TMX4: variants seen among roughly 807,000 people sequenced by gnomAD.
TMX4 encodes thioredoxin-related transmembrane protein 4.
Under a neutral mutation model 33.3 loss-of-function variants are expected in TMX4, and 23 were observed. The ratio of observed to expected loss-of-function variants is 0.69; its 90% CI spans 0.50 to 0.98. TMX4 has a LOEUF of 0.98. Ranked by LOEUF, TMX4 falls within the 50% of genes least tolerant of loss-of-function variation. The pLI is 0.00. For synonymous variants in TMX4, 164 were observed against 161.5 expected (o/e 1.02, Z -0.12); for missense variants, 399 against 448.9 (o/e 0.89, Z 1.01).
intron 3 of TMX4, among the ~76,000 whole-genome samples, chr20:8,000,079 C>T (rs1364240796): frequency 4.6e-5 from 7 of 152,086 alleles, no homozygotes; most frequent in Admixed American, 3.3e-4. Context: ...ATGTTATCAC[C>T]GTACAAAGTG....
In TMX4 at chr20:7,978,750, CA is replaced by C. The variant is rs1435084986; in HGVS notation, c.*3500del. The stretch of plus-strand genomic sequence containing the variant: ...AACAGGCCCTGTCCCTCATCCCATC[CA>C]ATGACTATACTTCAAAGGGAAAGAA... On this transcript the variant is annotated 3_prime_UTR_variant, in exon 8 of 8. Coordinates refer to ENST00000246024, the MANE Select transcript of TMX4 (RefSeq NM_021156.4). 3 of 152,174 alleles carry C rather than the reference CA, an allele frequency of 2.0e-5. No individual in the cohort carries two copies. The allele number at this position is 152,174 out of a possible 1,614,324, so 9.4% of individuals were successfully genotyped here.
At chr20:7,999,687 C>T (rs570063622) in intron 4 of TMX4, 45 bp downstream of exon 4, 2 of 1,580,988 alleles carry the variant, frequency 1.3e-6, no homozygotes, top group East Asian at 2.3e-5. Flanking sequence ...TAACTTAAAA[C>T]CTCCTGTTTT....
rs967976436 is a variant in TMX4 at position 7,999,808 on chromosome 20, G to A, written c.391C>T (p.Leu131=). ...TTCTTCTCTAAGATATAATTCTGCA[G>A]GTCTTCGAAGATTCCTGGGCCACGA... The part of the protein sequence containing the change: ...RYRGPGIFED[L]QNYILEKKWQ... The change falls in exon 4 of 8, where the codon CTG becomes TTG. Residue 131 remains leucine (L), a synonymous_variant. Transcript: ENST00000246024. 6.2e-7 allele frequency: 1 copy of A among 1,613,662 alleles called. No individual in the cohort carries two copies. Among genetic ancestry groups the A allele is most frequent in the African/African-American group, 1.3e-5 (1 of 74,868 alleles).
Position 7,978,039 on chromosome 20 carries a change from A to C in TMX4, c.*4212T>G, listed in dbSNP as rs546517127. ...CTAAAATCTCCTCCAGAGAATCAAA[A>C]TGTAGGACTGAGGTAAAGAGATATT... On this transcript the variant is annotated 3_prime_UTR_variant, in exon 8 of 8. Transcript: ENST00000246024. The C allele has an allele frequency of 6.6e-6, 1 of 152,334 alleles. No individual in the cohort carries two copies. Among genetic ancestry groups the C allele is most frequent in the South Asian group, 2.1e-4 (1 of 4,826 alleles). 9.4% of individuals were successfully genotyped at this position (152,334 alleles called of 1,614,324 possible).
chr20:8,010,294 G>C lies in TMX4; in HGVS notation c.198C>G (p.Ser66=). 6.2e-7 allele frequency: 1 copy of C among 1,610,588 alleles called. No individual in the cohort carries two copies. Among genetic ancestry groups the C allele is most frequent in the Non-Finnish European group, 8.5e-7 (1 of 1,177,750 alleles). ...MLKFYAPWCP[S]CQQTDSEWEA... ...CCCATTCTGAATCAGTCTGCTGGCA[G>C]GATGGACACCATGGGGCGTAACTAT... is the stretch of plus-strand genomic sequence containing the variant. The change falls in exon 2 of 8, where the codon TCC becomes TCG. Residue 66 remains serine, a synonymous_variant. Coordinates refer to ENST00000246024, the MANE Select transcript of TMX4 (RefSeq NM_021156.4).
intron 2 of TMX4, 70 bp downstream of exon 2, chr20:8,010,130 A>G: frequency 5.9e-6 from 8 of 1,355,938 alleles, no homozygotes; most frequent in South Asian, 1.2e-5. Context: ...CAACTTTTCT[A>G]TATGCTTGAA....
At chr20:8,006,730 GTTCCTTCTCC>G (rs1568538146) in intron 2 of TMX4, among the ~76,000 whole-genome samples, 1 of 150,146 alleles carries the variant, frequency 6.7e-6, no homozygotes, top group Non-Finnish European at 1.5e-5. Flanking sequence ...CATAGGAGAA[GTTCCTTCTCC>G]TATGATGGAA....
chr20:7,979,867 T>C lies in TMX4; in HGVS notation c.*2384A>G, dbSNP rs1172655787. ...TTGGATTTGGGGATTTTTGTATATATATAATGAGGTATCTTGGGAGTAGAC... is the reference window on the plus strand; with the variant it reads ...TTGGATTTGGGGATTTTTGTATATACATAATGAGGTATCTTGGGAGTAGAC... On this transcript the variant is annotated 3_prime_UTR_variant, in exon 8 of 8. Coordinates refer to ENST00000246024, the MANE Select transcript of TMX4 (RefSeq NM_021156.4). The C allele has an allele frequency of 2.0e-5, 3 of 152,194 alleles. No homozygotes were observed. The highest frequency in any genetic ancestry group is 7.2e-5 in the African/African-American group (3 of 41,448). The allele number at this position is 152,194 out of a possible 1,614,324, so 9.4% of individuals were successfully genotyped here. A position where few individuals can be genotyped will look rare whatever the true frequency, so the allele number is the denominator to read the frequency against.
intron 2 of TMX4, among the ~76,000 whole-genome samples, chr20:8,004,368 T>G (rs111252021): frequency 3.3e-5 from 5 of 152,208 alleles, no homozygotes; most frequent in African/African-American, 1.2e-4. Flanking sequence ...TTGAACATCA[T>G]AATAGCAGCT....
chr20:7,987,658 A>G (rs2050636777), intron 5 of TMX4, among the ~76,000 whole-genome samples: 1 of 152,166 alleles, frequency 6.6e-6, no homozygotes, highest in African/African-American at 2.4e-5. Flanking sequence ...TTCTTCCATC[A>G]TGATGGATGC....
Position 7,982,321 on chromosome 20 carries a change from G to A in TMX4, c.980C>T (p.Pro327Leu). The A allele has an allele frequency of 6.2e-7, 1 of 1,614,050 alleles. No homozygotes were observed. The highest frequency in any genetic ancestry group is 8.5e-7 in the Non-Finnish European group (1 of 1,180,010). ...GTCTTCCACCACCTCTGTGTCAGCT[G>A]GGCAGGGTTGCTCAGAGATGCCTTC... ...AEEGISEQPC[P>L]ADTEVVEDSL... The change falls in exon 8 of 8, where the codon CCA becomes CTA. Residue 327 changes from proline to leucine, a missense_variant. Pro to Leu is a moderately conservative substitution (Grantham distance 98, BLOSUM62 -3). Transcript: ENST00000246024.
chr20:8,011,046 G>A (rs536699759), intron 1 of TMX4, among the ~76,000 whole-genome samples: 1 of 151,944 alleles, frequency 6.6e-6, no homozygotes, highest in African/African-American at 2.4e-5. Flanking sequence ...TAAGCATGGG[G>A]GGCAAACATC....
rs186709342 is a variant in TMX4 at position 8,010,158 on chromosome 20, A to C, written c.292+42T>G. The C allele has an allele frequency of 7.3e-5, 113 of 1,543,462 alleles. No homozygotes were observed. In the Middle Eastern group the frequency reaches 1.0e-3, roughly 14 times the overall value. On this transcript the variant is annotated intron_variant, in intron 2 of 7. Coordinates refer to ENST00000246024, the MANE Select transcript of TMX4 (RefSeq NM_021156.4). ...TGCTTGAAAAAAATTCAAAATAAAA[A>C]GTCGGTAAACTTTTGCATTTTATGT...
chr20:8,006,674 G>A (rs915795013), intron 2 of TMX4, among the ~76,000 whole-genome samples: 4 of 151,778 alleles, frequency 2.6e-5, no homozygotes, highest in Non-Finnish European at 5.9e-5. Flanking sequence ...TTCTACACTT[G>A]GCTACCAGAC....
rs2122843550 is a variant in TMX4, at chr20:7,977,754, A to C, written c.*4497T>G. 1 of 152,378 alleles carries C rather than the reference A, an allele frequency of 6.6e-6. No homozygotes were observed. The highest frequency in any genetic ancestry group is 1.9e-4 in the East Asian group (1 of 5,188). The allele number at this position is 152,378 out of a possible 1,614,324, so 9.4% of individuals were successfully genotyped here. On this transcript the variant is annotated 3_prime_UTR_variant, in exon 8 of 8. Coordinates refer to ENST00000246024, the MANE Select transcript of TMX4 (RefSeq NM_021156.4). Reference sequence around the variant, plus strand: ...AATAAGCAATGTTTTTAGTATAAAAATTGCATTTCCACAAAGAAGCTAATA... The same window carrying C: ...AATAAGCAATGTTTTTAGTATAAAACTTGCATTTCCACAAAGAAGCTAATA...
At chr20:8,004,563 CACAA>C (rs1412787356) in intron 2 of TMX4, among the ~76,000 whole-genome samples, 3 of 152,002 alleles carry the variant, frequency 2.0e-5, no homozygotes, top group Non-Finnish European at 4.4e-5. Flanking sequence ...ATAAAGTAGG[CACAA>C]ACAGAGAATG....
At position 7,979,454 on chromosome 20, in the gene TMX4, T is replaced by A. The variant is rs1450856608; in HGVS notation, c.*2797A>T. 6.6e-6 allele frequency: 1 copy of A among 152,072 alleles called. No individual in the cohort carries two copies. The highest frequency in any genetic ancestry group is 1.5e-5 in the Non-Finnish European group (1 of 68,020). 9.4% of individuals were successfully genotyped at this position (152,072 alleles called of 1,614,324 possible). A position where few individuals can be genotyped will look rare whatever the true frequency, so the allele number is the denominator to read the frequency against. On this transcript the variant is annotated 3_prime_UTR_variant, in exon 8 of 8. Transcript: ENST00000246024. ...AGTATTTCTGAGAAAGAAAGTACAT[T>A]TTCTGCCAGGTACGGTGGCTCACAC... is the stretch of plus-strand genomic sequence containing the variant.
intron 5 of TMX4, among the ~76,000 whole-genome samples, chr20:7,994,531 A>G (rs1470097646): frequency 6.6e-6 from 1 of 152,240 alleles, no homozygotes; most frequent in Non-Finnish European, 1.5e-5. Flanking sequence ...GGTCAGGGCC[A>G]TTATGTATCT....
At chr20:7,990,382 G>C (rs2050649399) in intron 5 of TMX4, among the ~76,000 whole-genome samples, 1 of 145,412 alleles carries the variant, frequency 6.9e-6, no homozygotes, top group Non-Finnish European at 1.5e-5. Flanking sequence ...CATAGTACAT[G>C]ATTAAGTTAG....
Sources: allele counts gnomAD v4.1 joint callset (sites outside exome capture counted in the v4.1 genomes callset), GRCh38; gene constraint gnomAD v4.1.1; transcripts MANE v1.5; gene names NCBI Gene and HGNC (gene_info 2026-07-23, HGNC 2026-07-21).